The following ACCSL variants were observed in gnomAD, a reference collection of about 807,000 sequenced individuals.
The protein encoded by ACCSL is probable inactive 1-aminocyclopropane-1-carboxylate synthase-like protein 2.
Under a neutral mutation model 61.7 loss-of-function variants are expected in ACCSL, and 55 were observed. The observed-to-expected ratio is 0.89, with a 90% CI of 0.72 to 1.12. The LOEUF (loss-of-function observed/expected upper bound fraction) is 1.12, where lower values mean the gene tolerates loss of function less well. ACCSL is among the 50% of genes most tolerant of loss of function. The probability of loss-of-function intolerance (pLI) is 0.00; values close to 1 mark genes in which losing one functional copy is unlikely to be tolerated. For synonymous variants in ACCSL, 258 were observed against 264.3 expected (o/e 0.98, Z 0.23); for missense variants, 632 against 698.0 (o/e 0.91, Z 1.07).
the ACCSL span, among the ~76,000 whole-genome samples, chr11:43,961,110 C>T: frequency 7.9e-5 from 12 of 152,146 alleles, no homozygotes; most frequent in Non-Finnish European, 1.5e-4. Context: ...CGTGAGCCAC[C>T]GCGCCTGGCT....
intron 5 of ACCSL, 80 bp downstream of exon 5, chr11:44,051,799 G>T: frequency 6.5e-7 from 1 of 1,543,992 alleles, no homozygotes. Flanking sequence ...GGACTTTGAG[G>T]AAGAAGAGCA....
chr11:44,011,795 CGT>C, the ACCSL span, among the ~76,000 whole-genome samples: 2 of 150,760 alleles, frequency 1.3e-5, no homozygotes, highest in Non-Finnish European at 1.5e-5. Context: ...TGTGTGGGGG[CGT>C]GTGTGTGTGT....
chr11:44,015,551 G>A, the ACCSL span, among the ~76,000 whole-genome samples: 2 of 152,148 alleles, frequency 1.3e-5, no homozygotes, highest in Non-Finnish European at 2.9e-5. Flanking sequence ...AAGACAAGAA[G>A]CAACTTTACT....
At chr11:43,939,578 A>T in the ACCSL span, among the ~76,000 whole-genome samples, 2 of 148,628 alleles carry the variant, frequency 1.3e-5, no homozygotes, top group Non-Finnish European at 3.0e-5. Context: ...CACCACCATC[A>T]CACACTTGCT....
chr11:43,981,014 C>T, the ACCSL span, among the ~76,000 whole-genome samples: 15 of 152,038 alleles, frequency 9.9e-5, no homozygotes, highest in African/African-American at 3.1e-4. Context: ...AGAAGTAAAC[C>T]GGAAAGAAGG....
chr11:44,059,851 C>T lies in ACCSL; in HGVS notation c.1638C>T (p.Phe546=), dbSNP rs1472011321. The T allele has an allele frequency of 6.2e-7, 1 of 1,613,578 alleles. No homozygotes were observed. Among genetic ancestry groups the T allele is most frequent in the Non-Finnish European group, 8.5e-7 (1 of 1,179,762 alleles). ...LPRLKLAMRR[F]CDVLQEQKEA... ...TGAACCCTCTAGCTATGCGTCGGTT[C>T]TGTGATGTGCTGCAGGAGCAGAAGG... Residue 546 remains phenylalanine, a synonymous_variant, in exon 14 of 14, where the codon TTC becomes TTT. Coordinates refer to ENST00000378832, the MANE Select transcript of ACCSL (RefSeq NM_001031854.2).
the ACCSL span, among the ~76,000 whole-genome samples, chr11:44,029,231 G>A: frequency 6.6e-6 from 1 of 152,192 alleles, no homozygotes; most frequent in Non-Finnish European, 1.5e-5. Context: ...AGGCCTGCAG[G>A]TCCCTCCTGT....
At chr11:43,964,049 T>C in the ACCSL span, among the ~76,000 whole-genome samples, 2 of 146,130 alleles carry the variant, frequency 1.4e-5, no homozygotes, top group Non-Finnish European at 3.0e-5. Context: ...GGATTTTATT[T>C]TGAGATTTAA....
At chr11:43,943,585 G>A in the ACCSL span, 1 of 1,311,292 alleles carries the variant, frequency 7.6e-7, no homozygotes, top group Non-Finnish European at 1.0e-6. This position sits in a 1 kb window ranked among gnomAD's most constrained non-coding sequence, Gnocchi z 4.8. Context: ...TCGGCGGCGG[G>A]TAGCCACTCC....
chr11:44,058,667 T>C lies in ACCSL; in HGVS notation c.1592T>C (p.Ile531Thr), dbSNP rs764459383. Reference protein sequence around the residue: ...MCKEPGWFCLIFADELPRLKL... With the variant: ...MCKEPGWFCLTFADELPRLKL... ...AAGGAGCCAGGCTGGTTCTGCCTCA[T>C]CTTTGCAGATGAGCTCCCCCGGCTA... The change falls in exon 13 of 14, where the codon ATC (isoleucine) becomes ACC (threonine). Residue 531 changes from isoleucine to threonine, a missense_variant. By Grantham distance (89) the Ile-to-Thr change is moderately conservative. Coordinates refer to ENST00000378832, the MANE Select transcript of ACCSL (RefSeq NM_001031854.2). The C allele has an allele frequency of 1.7e-5, 28 of 1,613,596 alleles. No individual in the cohort carries two copies. The highest frequency in any genetic ancestry group is 1.1e-4 in the East Asian group (5 of 44,856).
the ACCSL span, chr11:43,947,135 G>C: frequency 6.6e-6 from 1 of 152,248 alleles, no homozygotes; most frequent in Non-Finnish European, 1.5e-5. Flanking sequence ...GGAAGGTGGA[G>C]GGGGAGCAGG....
chr11:44,057,110 T>C (rs975363816), intron 11 of ACCSL, among the ~76,000 whole-genome samples: 5 of 152,156 alleles, frequency 3.3e-5, no homozygotes, highest in Non-Finnish European at 7.4e-5. Context: ...TTTGGGCAGG[T>C]TGGTGTGGCT....
the ACCSL span, among the ~76,000 whole-genome samples, chr11:44,006,425 C>A: frequency 2.0e-5 from 3 of 150,844 alleles, no homozygotes; most frequent in African/African-American, 4.9e-5. Context: ...TTGCTGACTG[C>A]GTGACTTTGG....
the ACCSL span, chr11:44,001,221 C>T: frequency 2.6e-5 from 4 of 151,870 alleles, no homozygotes. Context: ...AGGTGGAAAC[C>T]GGGAACAATT....
chr11:44,013,344 A>G, the ACCSL span, among the ~76,000 whole-genome samples: 6 of 152,132 alleles, frequency 3.9e-5, no homozygotes, highest in Admixed American at 3.9e-4. Flanking sequence ...CAGTGGCGCA[A>G]TCTCGGCTCG....
the ACCSL span, among the ~76,000 whole-genome samples, chr11:44,012,356 A>G: frequency 0.07 from 10,640 of 151,710 alleles, 393 homozygotes; most frequent in Non-Finnish European, 0.092. Flanking sequence ...GCACGATCTC[A>G]GCTCACTGCA....
At chr11:44,049,488 C>G (rs887697090) in intron 1 of ACCSL, among the ~76,000 whole-genome samples, 3 of 150,340 alleles carry the variant, frequency 2.0e-5, no homozygotes, top group African/African-American at 7.4e-5. Flanking sequence ...TGAAAGGCTT[C>G]CAGGAAAGGG....
chr11:44,037,553 C>G, the ACCSL span, among the ~76,000 whole-genome samples: 1 of 152,184 alleles, frequency 6.6e-6, no homozygotes, highest in South Asian at 2.1e-4. Context: ...AAGGGTTTAG[C>G]GACCCCTCTT....
At chr11:43,993,653 A>G in the ACCSL span, among the ~76,000 whole-genome samples, 1 of 151,280 alleles carries the variant, frequency 6.6e-6, no homozygotes, top group African/African-American at 2.4e-5. Context: ...AATGGGCAGC[A>G]TCACTCAGCC....
Sources: allele counts gnomAD v4.1 joint callset (sites outside exome capture counted in the v4.1 genomes callset), GRCh38; gene constraint gnomAD v4.1.1; non-coding constraint Gnocchi (gnomAD v3.1); transcripts MANE v1.5; gene names NCBI Gene and HGNC (gene_info 2026-07-23, HGNC 2026-07-21).